APBB2: variants seen among roughly 807,000 people sequenced by gnomAD.
APBB2 encodes amyloid beta precursor protein binding family B member 2, also known as Fe65-like 1.
APBB2 carries 38 observed loss-of-function variants against 82.5 expected under a neutral mutation model. The observed-to-expected ratio is 0.46, with a 90% CI of 0.36 to 0.60. The LOEUF is 0.60. Among genes scored for constraint, APBB2 ranks in the 20% least tolerant of loss-of-function variants. APBB2 has a pLI of 0.00. For synonymous variants in APBB2, 341 were observed against 368.2 expected (o/e 0.93, Z 0.85); for missense variants, 772 against 972.3 (o/e 0.79, Z 2.74).
intron 2 of APBB2, among the ~76,000 whole-genome samples, chr4:41,112,290 C>G (rs1426556248): frequency 6.6e-6 from 1 of 152,204 alleles, no homozygotes; most frequent in Non-Finnish European, 1.5e-5. Flanking sequence ...TTCCCTCAGT[C>G]GTGGAAGATG....
chr4:41,049,248 GGAGGTGAGGAGCGTCTCTGCC>G (rs1724785574), intron 4 of APBB2, among the ~76,000 whole-genome samples: 1 of 150,148 alleles, frequency 6.7e-6, no homozygotes. Context: ...ACCCCGTCTG[GGAGGTGAGGAGCGTCTCTGCC>G]CGGCCGCCCC....
At chr4:41,022,111 C>A (rs1368398559) in intron 5 of APBB2, among the ~76,000 whole-genome samples, 1 of 152,168 alleles carries the variant, frequency 6.6e-6, no homozygotes, top group Non-Finnish European at 1.5e-5. Context: ...AAGAACCCAC[C>A]AGAAGGAATA....
chr4:40,951,902 T>C (rs907730243), intron 6 of APBB2, among the ~76,000 whole-genome samples: 1 of 152,054 alleles, frequency 6.6e-6, no homozygotes, highest in Non-Finnish European at 1.5e-5. Flanking sequence ...CAAATTATCA[T>C]CATGGTTCAA....
chr4:40,861,584 G>A (rs934365893), intron 12 of APBB2, among the ~76,000 whole-genome samples: 1 of 152,162 alleles, frequency 6.6e-6, no homozygotes, highest in Non-Finnish European at 1.5e-5. Flanking sequence ...TTTTGTGAAG[G>A]ATATCTATGT....
intron 4 of APBB2, among the ~76,000 whole-genome samples, chr4:41,049,128 T>C (rs966746003): frequency 2.5e-4 from 37 of 146,646 alleles, no homozygotes; most frequent in Middle Eastern, 7.1e-3. Context: ...CCGCCCATCG[T>C]CTGAGATGTG....
chr4:41,062,996 A>G (rs1730412698), intron 4 of APBB2, among the ~76,000 whole-genome samples: 1 of 152,254 alleles, frequency 6.6e-6, no homozygotes, highest in Admixed American at 6.5e-5. Context: ...AAGTCCACAT[A>G]TGTGAATTTT....
chr4:40,901,465 T>C (rs1402044021), intron 10 of APBB2, among the ~76,000 whole-genome samples: 3 of 152,146 alleles, frequency 2.0e-5, no homozygotes, highest in African/African-American at 7.2e-5. Context: ...CTCTGTCCTC[T>C]TCAGAAGGGC....
chr4:40,963,778 A>G (rs1793908720), intron 6 of APBB2, among the ~76,000 whole-genome samples: 1 of 152,216 alleles, frequency 6.6e-6, no homozygotes, highest in Non-Finnish European at 1.5e-5. Flanking sequence ...TGGCTGTGTC[A>G]AGAAGTTTGT....
At chr4:41,037,022 A>G (rs1047789988) in intron 4 of APBB2, among the ~76,000 whole-genome samples, 2 of 152,230 alleles carry the variant, frequency 1.3e-5, no homozygotes, top group African/African-American at 4.8e-5. Context: ...GTCTACTAGT[A>G]CCTAGAAGCT....
At chr4:40,823,929 G>A (rs1162658113) in intron 15 of APBB2, among the ~76,000 whole-genome samples, 170 bp from the exon 16 acceptor site, 3 of 152,190 alleles carry the variant, frequency 2.0e-5, no homozygotes, top group African/African-American at 4.8e-5. Flanking sequence ...CTGGCCGGGC[G>A]TAGTGGCTCA....
At chr4:41,129,014 C>T (rs1256138795) in intron 2 of APBB2, among the ~76,000 whole-genome samples, 1 of 152,156 alleles carries the variant, frequency 6.6e-6, no homozygotes. Context: ...CCCTCCATCA[C>T]ACACCGTGTC....
At chr4:41,124,274 A>G (rs1037037275) in intron 2 of APBB2, among the ~76,000 whole-genome samples, 3 of 152,152 alleles carry the variant, frequency 2.0e-5, no homozygotes, top group Admixed American at 1.3e-4. Context: ...GCTGGAGTGC[A>G]GTGGCGTGAT....
intron 6 of APBB2, among the ~76,000 whole-genome samples, chr4:40,991,155 T>TTGTGTG: frequency 6.7e-6 from 1 of 148,984 alleles, no homozygotes; most frequent in East Asian, 2.0e-4. Flanking sequence ...GCTAATTTTG[T>TTGTGTG]TGTGTGTGTG....
intron 1 of APBB2, among the ~76,000 whole-genome samples, chr4:41,177,376 G>T (rs1186686689): frequency 2.6e-5 from 4 of 152,288 alleles, no homozygotes; most frequent in Non-Finnish European, 4.4e-5. Context: ...CCTGAAAGCA[G>T]TATCAAGAAC....
intron 1 of APBB2, among the ~76,000 whole-genome samples, chr4:41,204,038 T>C (rs566333990): frequency 5.0e-4 from 65 of 130,652 alleles, no homozygotes; most frequent in Non-Finnish European, 8.7e-4. Flanking sequence ...GCAAGAACCA[T>C]AAAGATATCA....
chr4:41,214,041 C>T lies in APBB2; in HGVS notation c.-417+364G>A, dbSNP rs116405307. ...GCGCACCGCCTCCAACCCGGTCTCC[C>T]CCGCCCCAGGCCCTGCCAAGCCGGG... On this transcript the variant is annotated intron_variant, in intron 1 of 17. Transcript: ENST00000508593. Among the ~76,000 whole-genome samples the T allele has an allele frequency of 6.7e-3, 1,021 of 152,348 alleles. 14 individuals are homozygous for T. The highest frequency in any genetic ancestry group is 0.024 in the African/African-American group (998 of 41,590).
At chr4:41,150,745 G>C (rs1762058644) in intron 1 of APBB2, among the ~76,000 whole-genome samples, 1 of 151,898 alleles carries the variant, frequency 6.6e-6, no homozygotes, top group Admixed American at 6.6e-5. Flanking sequence ...TTTTTTGTTT[G>C]TTTGTTTGTT....
At chr4:40,990,465 C>A (rs544989656) in intron 6 of APBB2, among the ~76,000 whole-genome samples, 5 of 152,314 alleles carry the variant, frequency 3.3e-5, no homozygotes, top group African/African-American at 1.2e-4. Flanking sequence ...CCAATCATTT[C>A]TCATGAAAGA....
At chr4:41,116,330 G>C (rs963846920) in intron 2 of APBB2, among the ~76,000 whole-genome samples, 1 of 152,160 alleles carries the variant, frequency 6.6e-6, no homozygotes, top group Non-Finnish European at 1.5e-5. Flanking sequence ...GGGGGGCCAG[G>C]GGAGGGACAG....
Sources: gnomAD v4.1 joint callset for allele counts (sites outside exome capture counted in the v4.1 genomes callset) on GRCh38, gnomAD v4.1.1 for gene constraint, MANE v1.5 for transcripts, NCBI Gene and HGNC (gene_info 2026-07-23, HGNC 2026-07-21) for gene names.